The following NEGR1 variants were observed in gnomAD, a reference collection of about 807,000 sequenced individuals.
NEGR1 encodes the protein neuronal growth regulator 1, also known as IgLON family member 4.
Under a neutral mutation model 40.9 loss-of-function variants are expected in NEGR1, and 10 were observed. That is an observed-to-expected ratio of 0.24 (90% confidence interval 0.15 to 0.42). NEGR1 has a LOEUF of 0.42. NEGR1 is among the 10% of genes least tolerant of loss of function. NEGR1 has a pLI of 1.00. For missense variants in NEGR1, 352 were observed against 438.9 expected, an observed-to-expected ratio of 0.80 and a Z score of 1.77; for synonymous variants, 185 against 166.8, an observed-to-expected ratio of 1.11 and a Z score of -0.84.
Position 71,822,229 on chromosome 1 carries a change from G to C in NEGR1, c.410-45932C>G, listed in dbSNP as rs146817829. Among the ~76,000 whole-genome samples, 1,017 of 152,010 alleles carry C rather than the reference G, an allele frequency of 6.7e-3. 4 individuals carry two copies. Among genetic ancestry groups the C allele is most frequent in the Non-Finnish European group, 0.011 (746 of 67,912 alleles). On this transcript the variant is annotated intron_variant, in intron 2 of 6. Coordinates refer to ENST00000357731, the MANE Select transcript of NEGR1 (RefSeq NM_173808.3). ...TATGCAAATGGCCTGGAAGCAAAAG[G>C]CTAGACTGTCACAGACAAGGATGAA...
chr1:71,446,040 A>G (rs533119273), intron 6 of NEGR1, among the ~76,000 whole-genome samples: 1 of 152,242 alleles, frequency 6.6e-6, no homozygotes, highest in Admixed American at 6.5e-5. Flanking sequence ...GAAAACTACT[A>G]TTGTTTTTAA....
chr1:72,225,409 A>C (rs1654159743), intron 1 of NEGR1, among the ~76,000 whole-genome samples: 1 of 151,794 alleles, frequency 6.6e-6, no homozygotes, highest in African/African-American at 2.4e-5. Context: ...ATTTTCTTTA[A>C]ATATGAGTTT....
At chr1:72,115,939 A>G (rs1289921555) in intron 1 of NEGR1, among the ~76,000 whole-genome samples, 3 of 151,760 alleles carry the variant, frequency 2.0e-5, no homozygotes, top group African/African-American at 7.2e-5. Flanking sequence ...ATAGGAGTTG[A>G]CTTAAGAGTA....
chr1:72,042,971 A>G (rs900867858), intron 1 of NEGR1, among the ~76,000 whole-genome samples: 27 of 152,014 alleles, frequency 1.8e-4, no homozygotes, highest in Non-Finnish European at 3.8e-4. Flanking sequence ...GCATGTTTTC[A>G]AAGTATGCTT....
intron 3 of NEGR1, among the ~76,000 whole-genome samples, chr1:71,775,165 G>A (rs1656458682): frequency 6.6e-6 from 1 of 152,146 alleles, no homozygotes; most frequent in African/African-American, 2.4e-5. Flanking sequence ...ATCAACGTGT[G>A]AATGCTGATC....
At chr1:72,050,291 A>G (rs1031084563) in intron 1 of NEGR1, among the ~76,000 whole-genome samples, 1 of 151,612 alleles carries the variant, frequency 6.6e-6, no homozygotes, top group African/African-American at 2.4e-5. Flanking sequence ...ATTGAAAGGC[A>G]TTTATATAAT....
intron 1 of NEGR1, among the ~76,000 whole-genome samples, chr1:72,131,453 C>T (rs1276439999): frequency 6.6e-6 from 1 of 152,064 alleles, no homozygotes; most frequent in African/African-American, 2.4e-5. Context: ...TTAGGGGTTT[C>T]TAAACAAAGA....
At chr1:71,845,198 A>AT (rs555688946) in intron 2 of NEGR1, among the ~76,000 whole-genome samples, 18 of 152,066 alleles carry the variant, frequency 1.2e-4, no homozygotes, top group Non-Finnish European at 1.9e-4. Context: ...GTGTAGCTTA[A>AT]TTTTTGTTTT....
intron 4 of NEGR1, among the ~76,000 whole-genome samples, chr1:71,613,638 A>G (rs539949874): frequency 1.9e-3 from 285 of 151,474 alleles, no homozygotes; most frequent in African/African-American, 6.5e-3. Flanking sequence ...CTGGGCAACC[A>G]AAGCGAAACT....
chr1:71,567,775 A>G (rs1265042982), intron 6 of NEGR1, among the ~76,000 whole-genome samples: 1 of 152,066 alleles, frequency 6.6e-6, no homozygotes, highest in East Asian at 1.9e-4. Context: ...GGGTATTAGG[A>G]ACTGGGGTTT....
chr1:72,047,580 T>C (rs151338095), intron 1 of NEGR1, among the ~76,000 whole-genome samples: 2,113 of 151,556 alleles, frequency 0.014, 29 homozygotes, highest in Non-Finnish European at 0.022. Context: ...TAGAATCTTT[T>C]ATAATAATAT....
At position 71,396,429 on chromosome 1, in the gene NEGR1, T is replaced by A. The variant is rs1214524925; in HGVS notation, c.*11017A>T. 1 of 152,214 alleles carries A rather than the reference T, an allele frequency of 6.6e-6. No homozygotes were observed. Among genetic ancestry groups the A allele is most frequent in the African/African-American group, 2.4e-5 (1 of 41,450 alleles). The allele number at this position is 152,214 out of a possible 1,614,324, so 9.4% of individuals were successfully genotyped here. On this transcript the variant is annotated 3_prime_UTR_variant, in exon 7 of 7. Coordinates refer to ENST00000357731, the MANE Select transcript of NEGR1 (RefSeq NM_173808.3). ...TCAGGTTATCTGAGAAACGTTAAGG[T>A]CAACCACTTTTCAGTGTAAATTAAA...
chr1:72,011,081 A>C, intron 1 of NEGR1, among the ~76,000 whole-genome samples: 1 of 152,276 alleles, frequency 6.6e-6, no homozygotes, highest in East Asian at 1.9e-4. Context: ...TATTCCTTTC[A>C]AGTTCTTGTT....
chr1:71,899,356 G>GAGT (rs1311794400), intron 2 of NEGR1, among the ~76,000 whole-genome samples: 1 of 151,994 alleles, frequency 6.6e-6, no homozygotes. Context: ...AAAAGACAGT[G>GAGT]AGTAGGAAGA....
At position 71,399,649 on chromosome 1, in the gene NEGR1, A is replaced by G. The variant is rs1394335889; in HGVS notation, c.*7797T>C. ...TGCGATTTTGTATTTGTGTGTGAGTATGTGTTTTGTTTTGAAAAAGACATC... is the reference window on the plus strand; with the variant it reads ...TGCGATTTTGTATTTGTGTGTGAGTGTGTGTTTTGTTTTGAAAAAGACATC... On this transcript the variant is annotated 3_prime_UTR_variant, in exon 7 of 7. Coordinates refer to ENST00000357731, the MANE Select transcript of NEGR1 (RefSeq NM_173808.3). 4 of 152,194 alleles carry G rather than the reference A, an allele frequency of 2.6e-5. No individual in the cohort carries two copies. Among genetic ancestry groups the G allele is most frequent in the Non-Finnish European group, 5.9e-5 (4 of 68,032 alleles). The allele number at this position is 152,194 out of a possible 1,614,324, so 9.4% of individuals were successfully genotyped here.
intron 2 of NEGR1, among the ~76,000 whole-genome samples, chr1:71,789,108 C>T (rs1196368457): frequency 6.6e-6 from 1 of 151,932 alleles, no homozygotes; most frequent in African/African-American, 2.4e-5. Flanking sequence ...AAATGTGTTC[C>T]AGGTCGAGTT....
At chr1:71,509,955 T>C (rs1647061694) in intron 6 of NEGR1, among the ~76,000 whole-genome samples, 1 of 152,314 alleles carries the variant, frequency 6.6e-6, no homozygotes, top group African/African-American at 2.4e-5. Context: ...ATGTGTTATG[T>C]TGGGTGGGAA....
chr1:71,773,034 T>G (rs1450782169), intron 3 of NEGR1, among the ~76,000 whole-genome samples: 3 of 152,218 alleles, frequency 2.0e-5, no homozygotes, highest in African/African-American at 7.2e-5. Flanking sequence ...AAAGGTGTTT[T>G]TTTTTGGTGA....
chr1:71,680,327 T>C (rs1302192836), intron 4 of NEGR1, among the ~76,000 whole-genome samples: 1 of 152,118 alleles, frequency 6.6e-6, no homozygotes, highest in African/African-American at 2.4e-5. Flanking sequence ...TTTTTACTTC[T>C]TTTTGAGACT....
Sources: allele counts gnomAD v4.1 joint callset (sites outside exome capture counted in the v4.1 genomes callset), GRCh38; gene constraint gnomAD v4.1.1; transcripts MANE v1.5; gene names NCBI Gene and HGNC (gene_info 2026-07-23, HGNC 2026-07-21).